The following TRPM3 variants were observed in gnomAD, a reference collection of about 807,000 sequenced individuals.
The protein encoded by TRPM3 is long transient receptor potential channel 3.
A neutral mutation model predicts 181.2 loss-of-function variants in TRPM3; 77 were observed. That is an observed-to-expected ratio of 0.42 (90% CI 0.35 to 0.51). The LOEUF is 0.51. Ranked by LOEUF, TRPM3 falls within the 20% of genes least tolerant of loss-of-function variation. The pLI, the probability that TRPM3 is intolerant of heterozygous loss-of-function variation, is 0.01. For synonymous variants in TRPM3, 745 were observed against 796.4 expected, an observed-to-expected ratio of 0.94 and a Z score of 1.09; for missense variants, 1,759 against 2,196.7, an observed-to-expected ratio of 0.80 and a Z score of 3.98.
chr9:71,183,199 T>C (rs952102247), intron 1 of TRPM3, among the ~76,000 whole-genome samples: 1 of 152,136 alleles, frequency 6.6e-6, no homozygotes, highest in African/African-American at 2.4e-5. Flanking sequence ...AGAACTTGTG[T>C]GTGTCCTACT....
chr9:70,610,511 C>A, intron 19 of TRPM3, 98 bp downstream of exon 19: 1 of 1,418,650 alleles, frequency 7.0e-7, no homozygotes, highest in Non-Finnish European at 9.6e-7. Context: ...CTGTGTGTGG[C>A]ACTTACGACT....
chr9:71,264,663 G>A (rs2083270577), intron 1 of TRPM3, among the ~76,000 whole-genome samples: 1 of 152,024 alleles, frequency 6.6e-6, no homozygotes. Flanking sequence ...TCATTTTTAG[G>A]GTAAGGAAAC....
intron 8 of TRPM3, among the ~76,000 whole-genome samples, chr9:70,695,879 C>T (rs762892325): frequency 1.3e-5 from 2 of 152,172 alleles, no homozygotes; most frequent in Admixed American, 6.5e-5. Context: ...GAGATACACT[C>T]GAGCCCAGAC....
intron 9 of TRPM3, among the ~76,000 whole-genome samples, chr9:70,677,577 G>A (rs2064315177): frequency 6.6e-6 from 1 of 152,194 alleles, no homozygotes; most frequent in African/African-American, 2.4e-5. Context: ...AGGCCTTGCT[G>A]GGTTTCCCCT....
intron 1 of TRPM3, among the ~76,000 whole-genome samples, chr9:71,400,576 T>C (rs1220964453): frequency 2.0e-5 from 3 of 152,178 alleles, no homozygotes; most frequent in African/African-American, 7.2e-5. Context: ...AGTATTTTTA[T>C]TCTTTAATTT....
chr9:70,653,052 C>T (rs1381825947), intron 9 of TRPM3, among the ~76,000 whole-genome samples: 2 of 151,796 alleles, frequency 1.3e-5, no homozygotes, highest in Non-Finnish European at 2.9e-5. Context: ...GAAAAGCCCT[C>T]GGAAAGGGAA....
intron 9 of TRPM3, among the ~76,000 whole-genome samples, chr9:70,676,145 A>C (rs977302071): frequency 6.6e-6 from 1 of 152,230 alleles, no homozygotes; most frequent in Non-Finnish European, 1.5e-5. Context: ...TCCAGAAAAG[A>C]AAGCAAGCAA....
chr9:70,591,593 G>A (rs1404729840), intron 21 of TRPM3, among the ~76,000 whole-genome samples: 1 of 152,018 alleles, frequency 6.6e-6, no homozygotes, highest in Non-Finnish European at 1.5e-5. Flanking sequence ...GTCCTCTTTG[G>A]GTCTCTTTCT....
At chr9:70,912,530 T>A (rs1363978104) in intron 1 of TRPM3, among the ~76,000 whole-genome samples, 1 of 152,198 alleles carries the variant, frequency 6.6e-6, no homozygotes, top group Non-Finnish European at 1.5e-5. Context: ...TCTCAGATAG[T>A]GCTGATAGTA....
chr9:70,950,113 T>C (rs1471543161), intron 1 of TRPM3, among the ~76,000 whole-genome samples: 1 of 152,200 alleles, frequency 6.6e-6, no homozygotes, highest in African/African-American at 2.4e-5. Flanking sequence ...TTCTTTCAAA[T>C]TGAGATGGTA....
At chr9:70,908,337 A>G (rs1003698102) in intron 1 of TRPM3, among the ~76,000 whole-genome samples, 9 of 152,218 alleles carry the variant, frequency 5.9e-5, no homozygotes, top group African/African-American at 2.2e-4. Flanking sequence ...TCATTTCAAT[A>G]GAAAGGTAGA....
chr9:70,833,444 T>C (rs570263278), intron 5 of TRPM3, among the ~76,000 whole-genome samples: 2 of 152,206 alleles, frequency 1.3e-5, no homozygotes, highest in Non-Finnish European at 2.9e-5. Context: ...CATTTTAATT[T>C]AGGCTGAAAA....
At position 70,535,257 on chromosome 9, in the gene TRPM3, T is replaced by A; in HGVS notation, c.*696A>T. Reference sequence around the variant, plus strand: ...TTCGATTGCAATACAAAAAGGCATTTCTGTTCCCTTATTTTCTTCAAAAAA... The same window carrying A: ...TTCGATTGCAATACAAAAAGGCATTACTGTTCCCTTATTTTCTTCAAAAAA... On this transcript the variant is annotated 3_prime_UTR_variant, in exon 26 of 26. Coordinates refer to ENST00000677713, the MANE Select transcript of TRPM3 (RefSeq NM_001366145.2). 1 of 729,626 alleles carries A rather than the reference T, an allele frequency of 1.4e-6. No individual in the cohort carries two copies. 45.2% of individuals were successfully genotyped at this position (729,626 alleles called of 1,614,324 possible).
intron 1 of TRPM3, among the ~76,000 whole-genome samples, chr9:71,432,201 C>T (rs1055082654): frequency 6.6e-6 from 1 of 152,106 alleles, no homozygotes; most frequent in Non-Finnish European, 1.5e-5. Context: ...TCATACCAGC[C>T]TAACAGTCTG....
At chr9:70,884,040 G>GTT (rs375218339) in intron 1 of TRPM3, among the ~76,000 whole-genome samples, 1 of 146,688 alleles carries the variant, frequency 6.8e-6, no homozygotes, top group Admixed American at 6.8e-5. Flanking sequence ...ATGTCCCAAG[G>GTT]TTTTTTTTTT....
chr9:71,217,076 G>C (rs1041820007), intron 1 of TRPM3, among the ~76,000 whole-genome samples: 1 of 149,140 alleles, frequency 6.7e-6, no homozygotes, highest in African/African-American at 2.5e-5. Flanking sequence ...TCAGCCTCCC[G>C]AGTAGCTGGG....
chr9:70,576,911 G>A (rs1201098202), intron 22 of TRPM3, among the ~76,000 whole-genome samples: 1 of 152,112 alleles, frequency 6.6e-6, no homozygotes, highest in South Asian at 2.1e-4. Context: ...TGCCCTTGCT[G>A]TTCTCTCTGT....
chr9:71,221,107 G>A (rs2080213349), intron 1 of TRPM3, among the ~76,000 whole-genome samples: 1 of 152,186 alleles, frequency 6.6e-6, no homozygotes. Context: ...AAACCACCAT[G>A]TCTGAGGGAG....
At chr9:70,805,575 C>T (rs1028338559) in intron 6 of TRPM3, among the ~76,000 whole-genome samples, 3 of 146,224 alleles carry the variant, frequency 2.1e-5, no homozygotes, top group Non-Finnish European at 4.5e-5. Context: ...TTGACTTTAC[C>T]ACAAACCAGG....
Sources: allele counts gnomAD v4.1 joint callset (sites outside exome capture counted in the v4.1 genomes callset), GRCh38; gene constraint gnomAD v4.1.1; transcripts MANE v1.5; gene names NCBI Gene and HGNC (gene_info 2026-07-23, HGNC 2026-07-21).